Variants in ZNF251 observed in about 807,000 individuals in gnomAD.
ZNF251 encodes the protein zinc finger protein 251.
Under a neutral mutation model 13.5 loss-of-function variants are expected in ZNF251, and 14 were observed. The ratio of observed to expected loss-of-function variants is 1.04; its 90% confidence interval spans 0.69 to 1.63. ZNF251 has a LOEUF of 1.63. Ranked by LOEUF, ZNF251 falls within the 40% of genes most tolerant of loss-of-function variation. The pLI is 0.00. For missense variants in ZNF251, 764 were observed against 834.9 expected, an observed-to-expected ratio of 0.92 and a Z score of 1.05; for synonymous variants, 287 against 295.2, an observed-to-expected ratio of 0.97 and a Z score of 0.28.
rs377429523 is a variant in ZNF251 at position 144,721,654 on chromosome 8, C to A, written c.2006G>T (p.Arg669Ile). 6 of 1,341,398 alleles carry A rather than the reference C, an allele frequency of 4.5e-6. No homozygotes were observed. The African/African-American group carries it at 5.9e-5, about 13-fold the overall frequency. The allele number at this position is 1,341,398 out of a possible 1,614,324, so 83.1% of individuals were successfully genotyped here. ...FIHIKKIFQE[R>I]HF ...TCTGCATTTATCACATTAAAAATGT[C>A]TTTCTTGGAAAATCTTCTTGATATG... The change falls in exon 5 of 5, where the codon AGA (arginine) becomes ATA (isoleucine). Residue 669 changes from arginine to isoleucine, a missense_variant. Transcript: ENST00000292562.
rs1215766909 is a variant in ZNF251, at chr8:144,755,482, C to G, written c.-153G>C. 1 of 1,287,210 alleles carries G rather than the reference C, an allele frequency of 7.8e-7. No homozygotes were observed. Among genetic ancestry groups the G allele is most frequent in the African/African-American group, 1.5e-5 (1 of 65,706 alleles). The allele number at this position is 1,287,210 out of a possible 1,614,324, so 79.7% of individuals were successfully genotyped here. On this transcript the variant is annotated 5_prime_UTR_variant, in exon 1 of 5. Coordinates refer to ENST00000292562, the MANE Select transcript of ZNF251 (RefSeq NM_138367.2). ...TCGCACCGAGCCCGGAACGGACCCT[C>G]CCACAGAACCGGGTCCAGAGCCGGG...
chr8:144,755,073 G>A (rs1489323103), intron 1 of ZNF251: 3 of 1,310,102 alleles, frequency 2.3e-6, no homozygotes, highest in East Asian at 3.6e-5. Flanking sequence ...GAAATGGGGT[G>A]CAGGGCCGTT....
intron 1 of ZNF251, 43 bp downstream of exon 1, chr8:144,755,362 G>C (rs1364612097): frequency 7.8e-7 from 1 of 1,284,468 alleles, no homozygotes; most frequent in Non-Finnish European, 1.0e-6. Context: ...CTCCCCGCCT[G>C]CCTGCCCGCT....
chr8:144,744,534 C>T (rs956273539), intron 4 of ZNF251, among the ~76,000 whole-genome samples: 3 of 152,122 alleles, frequency 2.0e-5, no homozygotes, highest in Admixed American at 1.3e-4. Flanking sequence ...AATGTGATGA[C>T]GTTTGGAGAT....
intron 4 of ZNF251, 97 bp downstream of exon 4, chr8:144,753,586 T>G: frequency 1.1e-6 from 1 of 933,204 alleles, no homozygotes. Context: ...GGGGAGGCCA[T>G]TAATATGAAC....
chr8:144,735,058 G>A lies in ZNF251; in HGVS notation c.278-11676C>T, dbSNP rs139903462. On this transcript the variant is annotated intron_variant, in intron 4 of 4. Coordinates refer to ENST00000292562, the MANE Select transcript of ZNF251 (RefSeq NM_138367.2). ...CACTGCACTCCAGCCAGGGGACAAA[G>A]CAAGACTCCGTCTCAAAAAAATAAA... Among the ~76,000 whole-genome samples, 15 of 150,456 alleles carry A rather than the reference G, an allele frequency of 1.0e-4. No homozygotes were observed. In the East Asian group the frequency reaches 3.0e-3, roughly 30 times the overall value.
Position 144,753,686 on chromosome 8 carries a change from T to C in ZNF251, c.274A>G (p.Lys92Glu), listed in dbSNP as rs377685827. The change falls in exon 4 of 5, where the codon AAA (lysine) becomes GAA (glutamate). Residue 92 changes from lysine (K) to glutamate (E), a missense_variant. By Grantham distance (56) the Lys-to-Glu change is moderately conservative. Coordinates refer to ENST00000292562, the MANE Select transcript of ZNF251 (RefSeq NM_138367.2). ...EEPDILKSCQ[K>E]DSEVGTKKEL... ...TTAGCATCCCATCCATTCTCACCTT[T>C]CTGGCAGCTTTTCAAGATATCTGGT... is the stretch of plus-strand genomic sequence containing the variant. 1 of 1,572,452 alleles carries C rather than the reference T, an allele frequency of 6.4e-7. No individual in the cohort carries two copies. Among genetic ancestry groups the C allele is most frequent in the Non-Finnish European group, 8.6e-7 (1 of 1,157,956 alleles).
At chr8:144,750,430 G>T (rs1275349176) in intron 4 of ZNF251, among the ~76,000 whole-genome samples, 1 of 152,176 alleles carries the variant, frequency 6.6e-6, no homozygotes, top group Non-Finnish European at 1.5e-5. Context: ...AGAATATCCA[G>T]AAGTAGCTAG....
intron 4 of ZNF251, among the ~76,000 whole-genome samples, chr8:144,731,347 C>G (rs1823688875): frequency 6.6e-6 from 1 of 152,208 alleles, no homozygotes; most frequent in Non-Finnish European, 1.5e-5. Flanking sequence ...CAATGGTATA[C>G]TGTGTACCGA....
Position 144,753,738 on chromosome 8 carries a change from C to T in ZNF251, c.222G>A (p.Trp74Ter). 1 of 1,600,186 alleles carries T rather than the reference C, an allele frequency of 6.2e-7. No individual in the cohort carries two copies. The highest frequency in any genetic ancestry group is 2.2e-5 in the East Asian group (1 of 44,538). Residue 74 changes from tryptophan (W) to a stop codon, truncating the protein, a stop_gained, in exon 4 of 5, where the codon TGG becomes TGA. Coordinates refer to ENST00000292562, the MANE Select transcript of ZNF251 (RefSeq NM_138367.2). LOFTEE classifies it high-confidence loss of function. The stretch of plus-strand genomic sequence containing the variant: ...CCTCAGCTCCCAGAAGATTCAGGAC[C>T]CAAAGTTCCTTCCCCTGCTCCAGCT... ...ISQLEQGKEL[W>*]VLNLLGAEEP...
intron 4 of ZNF251, among the ~76,000 whole-genome samples, chr8:144,744,398 C>T (rs1048936055): frequency 1.3e-5 from 2 of 152,100 alleles, no homozygotes; most frequent in Non-Finnish European, 2.9e-5. Context: ...ACCAAGGTCA[C>T]CTCTTTTTTT....
rs1823427879 is a variant in ZNF251 at position 144,723,398 on chromosome 8, A to G, written c.278-16T>C. 7.0e-7 allele frequency: 1 copy of G among 1,435,024 alleles called. No individual in the cohort carries two copies. The highest frequency in any genetic ancestry group is 2.9e-5 in the Admixed American group (1 of 34,582). The allele number at this position is 1,435,024 out of a possible 1,614,324, so 88.9% of individuals were successfully genotyped here. A position where few individuals can be genotyped will look rare whatever the true frequency, so the allele number is the denominator to read the frequency against. ...ACCTCAGAATCTGTTAAAGAAAAAT[A>G]TAAATGAGTTACTAGAGAAAACCTT... On this transcript the variant is annotated splice_polypyrimidine_tract_variant and intron_variant, in intron 4 of 4. Coordinates refer to ENST00000292562, the MANE Select transcript of ZNF251 (RefSeq NM_138367.2).
Position 144,721,932 on chromosome 8 carries a change from A to T in ZNF251, c.1728T>A (p.Ser576Arg), listed in dbSNP as rs769434843. 3 of 1,516,274 alleles carry T rather than the reference A, an allele frequency of 2.0e-6. No individual in the cohort carries two copies. In the African/African-American group the frequency reaches 4.2e-5, roughly 21 times the overall value. 93.9% of individuals were successfully genotyped at this position (1,516,274 alleles called of 1,614,324 possible). Residue 576 changes from serine to arginine, a missense_variant, in exon 5 of 5, where the codon AGT becomes AGA. Physicochemically the swap from Ser to Arg is moderately radical, Grantham distance 110. Transcript: ENST00000292562. ...FGCNEYGKAF[S>R]PTSRPTEDQI... is the part of the protein sequence containing the mutation. Reference sequence around the variant, plus strand: ...GATCTTCAGTGGGTCGTGAGGTGGGACTGAAAGCTTTTCCATATTCATTAC... The same window carrying T: ...GATCTTCAGTGGGTCGTGAGGTGGGTCTGAAAGCTTTTCCATATTCATTAC...
rs140395001 is a variant in ZNF251 at position 144,744,826 on chromosome 8, C to T, written c.277+8857G>A. 4.5e-3 allele frequency among the ~76,000 whole-genome samples: 691 copies of T among 152,280 alleles called. 6 individuals are homozygous for T. Among genetic ancestry groups the T allele is most frequent in the African/African-American group, 0.015 (631 of 41,560 alleles). ...ATCCCAGCACTTTGGGAAGCCGAGG[C>T]GGGCGGATCACCTGAGGTCAGCAGT... is the stretch of plus-strand genomic sequence containing the variant. On this transcript the variant is annotated intron_variant, in intron 4 of 4. Coordinates refer to ENST00000292562, the MANE Select transcript of ZNF251 (RefSeq NM_138367.2).
Position 144,732,753 on chromosome 8 carries a change from A to G in ZNF251, c.278-9371T>C, listed in dbSNP as rs543320862. Among the ~76,000 whole-genome samples, 343 of 150,184 alleles carry G rather than the reference A, an allele frequency of 2.3e-3. 2 individuals are homozygous for G. The highest frequency in any genetic ancestry group is 0.014 in the Middle Eastern group (4 of 292). The stretch of plus-strand genomic sequence containing the variant: ...CGTGAACCCGGGAGGCGGAGCTTGC[A>G]GTGAGCCAAGATCGCACCACTGCAC... On this transcript the variant is annotated intron_variant, in intron 4 of 4. Transcript: ENST00000292562.
chr8:144,729,434 T>C (rs1386345762), intron 4 of ZNF251, among the ~76,000 whole-genome samples: 2 of 150,980 alleles, frequency 1.3e-5, no homozygotes, highest in Admixed American at 1.3e-4. Context: ...CCTCCCGGGT[T>C]CACGCCATTC....
intron 4 of ZNF251, among the ~76,000 whole-genome samples, chr8:144,724,657 G>A: frequency 6.6e-6 from 1 of 152,034 alleles, no homozygotes; most frequent in East Asian, 1.9e-4. Context: ...GTAATTGGGG[G>A]GAAACAAGGA....
At chr8:144,724,256 C>T (rs1236445832) in intron 4 of ZNF251, among the ~76,000 whole-genome samples, 22 of 123,152 alleles carry the variant, frequency 1.8e-4, no homozygotes, top group African/African-American at 6.8e-5. Context: ...AGCAAGACTC[C>T]GTCTCAAAAA....
At chr8:144,742,852 C>G (rs1009382677) in intron 4 of ZNF251, among the ~76,000 whole-genome samples, 1 of 152,154 alleles carries the variant, frequency 6.6e-6, no homozygotes, top group African/African-American at 2.4e-5. Context: ...CACAGCTGGC[C>G]TTTCAGAATC....
Sources: gnomAD v4.1 joint callset for allele counts (sites outside exome capture counted in the v4.1 genomes callset) on GRCh38, gnomAD v4.1.1 for gene constraint, MANE v1.5 for transcripts, NCBI Gene and HGNC (gene_info 2026-07-23, HGNC 2026-07-21) for gene names.